Variants in TIAM1 observed in about 807,000 individuals in gnomAD.
TIAM1 encodes rho guanine nucleotide exchange factor TIAM1.
TIAM1 carries 65 observed loss-of-function variants against 163.5 expected under a neutral mutation model. The observed-to-expected ratio is 0.40, with a 90% CI of 0.33 to 0.49. The LOEUF (loss-of-function observed/expected upper bound fraction) is 0.49. Among genes scored for constraint, TIAM1 ranks in the 20% least tolerant of loss-of-function variants. TIAM1 has a pLI of 0.77. For synonymous variants in TIAM1, 833 were observed against 810.1 expected (o/e 1.03, Z -0.48); for missense variants, 1,789 against 2,044.7 (o/e 0.87, Z 2.41).
intron 1 of TIAM1, among the ~76,000 whole-genome samples, chr21:31,495,100 C>T (rs1040854049): frequency 2.6e-5 from 4 of 151,994 alleles, no homozygotes; most frequent in Non-Finnish European, 4.4e-5. Context: ...ATGTGTTAGG[C>T]GTAAAAGTGT....
intron 1 of TIAM1, among the ~76,000 whole-genome samples, chr21:31,482,285 G>A (rs1049842750): frequency 2.6e-5 from 4 of 151,890 alleles, no homozygotes; most frequent in Non-Finnish European, 4.4e-5. Context: ...CCGAGTAGCT[G>A]GGATTACAGG....
chr21:31,508,660 G>T (rs527749760), intron 1 of TIAM1, among the ~76,000 whole-genome samples: 5 of 152,166 alleles, frequency 3.3e-5, no homozygotes, highest in African/African-American at 1.2e-4. Context: ...AAAGTGCTAG[G>T]ATTACAGGCA....
At chr21:31,398,811 T>C (rs772004189) in intron 2 of TIAM1, among the ~76,000 whole-genome samples, 2 of 152,244 alleles carry the variant, frequency 1.3e-5, no homozygotes, top group Non-Finnish European at 2.9e-5. Flanking sequence ...CTTGTGAAAC[T>C]GAAGAAGAAA....
chr21:31,259,315 T>C lies in TIAM1; in HGVS notation c.963+6695A>G, dbSNP rs146567175. Among the ~76,000 whole-genome samples the C allele has an allele frequency of 1.0e-2, 1,514 of 152,044 alleles. 12 individuals carry two copies. Among genetic ancestry groups the C allele is most frequent in the Non-Finnish European group, 0.017 (1,151 of 67,986 alleles). ...CACACCTGGCTAATTTTTTTGAAAT[T>C]TGGTAGAGACAAGGTCTCACTATGT... is the stretch of plus-strand genomic sequence containing the variant. On this transcript the variant is annotated intron_variant, in intron 4 of 27. Transcript: ENST00000541036.
intron 5 of TIAM1, among the ~76,000 whole-genome samples, 166 bp downstream of exon 5, chr21:31,251,576 G>A (rs1420594283): frequency 6.6e-6 from 1 of 152,194 alleles, no homozygotes; most frequent in African/African-American, 2.4e-5. Flanking sequence ...TAAGAGGGTA[G>A]ATTTCATGCG....
chr21:31,546,622 GC>G (rs1444565164), intron 1 of TIAM1, among the ~76,000 whole-genome samples: 1 of 150,276 alleles, frequency 6.7e-6, no homozygotes, highest in Admixed American at 6.7e-5. Flanking sequence ...AGAAGGGTGG[GC>G]CCATGTAATC....
intron 2 of TIAM1, among the ~76,000 whole-genome samples, chr21:31,370,373 C>T (rs1569272738): frequency 6.6e-6 from 1 of 152,092 alleles, no homozygotes; most frequent in Non-Finnish European, 1.5e-5. Flanking sequence ...GAGGCTGGAA[C>T]AATATGGCTT....
At position 31,364,617 on chromosome 21, in the gene TIAM1, A is replaced by G. The variant is rs371803734; in HGVS notation, c.-368-25195T>C. On this transcript the variant is annotated intron_variant, in intron 2 of 28. Transcript: ENST00000286827. ...TGTTAATAAGAGTTCTGTACTCTCT[A>G]TTAACAAATCTTGGAACAGCTGACA... Among the ~76,000 whole-genome samples, 50 of 152,346 alleles carry G rather than the reference A, an allele frequency of 3.3e-4. 2 individuals are homozygous for G. In the East Asian group the frequency reaches 3.7e-3, roughly 11 times the overall value.
intron 2 of TIAM1, among the ~76,000 whole-genome samples, chr21:31,394,708 G>GCTCTCTCTCTCTCTCTCTCT (rs954246497): frequency 2.9e-5 from 3 of 105,242 alleles, no homozygotes; most frequent in Non-Finnish European, 1.9e-5. Context: ...TCTCTCTCTC[G>GCTCTCTCTCTCTCTCTCTCT]CTCTCTCTCT....
chr21:31,405,807 G>A (rs1208860460), intron 2 of TIAM1, among the ~76,000 whole-genome samples: 2 of 152,036 alleles, frequency 1.3e-5, no homozygotes, highest in Non-Finnish European at 2.9e-5. Context: ...GATGAGATTT[G>A]GGTAGGCGAC....
At chr21:31,469,700 C>A (rs965515069) in intron 1 of TIAM1, among the ~76,000 whole-genome samples, 1 of 151,812 alleles carries the variant, frequency 6.6e-6, no homozygotes, top group African/African-American at 2.4e-5. Flanking sequence ...GGTGTGGTGG[C>A]GGGCGCCTGT....
At chr21:31,130,556 A>G (rs2082377197) in intron 24 of TIAM1, among the ~76,000 whole-genome samples, 2 of 152,160 alleles carry the variant, frequency 1.3e-5, no homozygotes, top group Admixed American at 1.3e-4. Flanking sequence ...ACACACAGAG[A>G]AGAGGAGAAA....
At chr21:31,546,980 T>C (rs2048521013) in intron 1 of TIAM1, among the ~76,000 whole-genome samples, 1 of 151,996 alleles carries the variant, frequency 6.6e-6, no homozygotes. Flanking sequence ...GGCTCCTATG[T>C]TGTAATAAAG....
chr21:31,385,700 T>C (rs1330457531), intron 2 of TIAM1, among the ~76,000 whole-genome samples: 1 of 143,280 alleles, frequency 7.0e-6, no homozygotes, highest in Non-Finnish European at 1.5e-5. Flanking sequence ...TTAAAAAATA[T>C]ACTGCACTGG....
intron 22 of TIAM1, among the ~76,000 whole-genome samples, chr21:31,137,842 C>G (rs2082684652): frequency 6.7e-6 from 1 of 150,206 alleles, no homozygotes. Flanking sequence ...CTGGAGCTAA[C>G]CAAGAGAAAC....
chr21:31,391,231 A>G (rs2076959905), intron 2 of TIAM1, among the ~76,000 whole-genome samples: 1 of 152,068 alleles, frequency 6.6e-6, no homozygotes, highest in African/African-American at 2.4e-5. Flanking sequence ...GAGGATAAGG[A>G]AAGGTCATGG....
intron 2 of TIAM1, among the ~76,000 whole-genome samples, chr21:31,410,919 A>C (rs1367939392): frequency 6.6e-6 from 1 of 152,170 alleles, no homozygotes; most frequent in Non-Finnish European, 1.5e-5. Context: ...AAGTGAGAGC[A>C]TTAGGGGCCC....
chr21:31,481,045 G>A (rs1290823313), intron 1 of TIAM1, among the ~76,000 whole-genome samples: 2 of 152,150 alleles, frequency 1.3e-5, no homozygotes, highest in African/African-American at 4.8e-5. Context: ...ATGAACCACT[G>A]CGCCCAGCCA....
intron 2 of TIAM1, among the ~76,000 whole-genome samples, chr21:31,423,100 T>G (rs1227397171): frequency 7.4e-6 from 1 of 136,002 alleles, no homozygotes; most frequent in African/African-American, 2.8e-5. Flanking sequence ...CTTTTTTTTT[T>G]TTTTTTTTTT....
Sources: allele counts gnomAD v4.1 joint callset (sites outside exome capture counted in the v4.1 genomes callset), GRCh38; gene constraint gnomAD v4.1.1; transcripts MANE v1.5; gene names NCBI Gene and HGNC (gene_info 2026-07-23, HGNC 2026-07-21).